Variants in TMEM268 observed in about 807,000 individuals in gnomAD.
The protein encoded by TMEM268 is transmembrane protein C9orf91.
Under a neutral mutation model 39.1 loss-of-function variants are expected in TMEM268, and 24 were observed. The ratio of observed to expected loss-of-function variants is 0.61; its 90% CI spans 0.44 to 0.86. TMEM268 has a LOEUF of 0.86. Ranked by LOEUF, TMEM268 falls within the 40% of genes least tolerant of loss-of-function variation. The pLI, the probability that TMEM268 is intolerant of heterozygous loss-of-function variation, is 0.00. For missense variants in TMEM268, 409 were observed against 428.6 expected (o/e 0.95, Z 0.40); for synonymous variants, 176 against 173.5 (o/e 1.01, Z -0.12).
intron 3 of TMEM268, 59 bp from the exon 4 acceptor site, chr9:114,626,840 A>G (rs1846181745): frequency 1.6e-6 from 2 of 1,282,160 alleles, no homozygotes; most frequent in South Asian, 2.4e-5. Flanking sequence ...TGATAGTCAC[A>G]TGCACTGGAA....
chr9:114,607,963 G>T (rs747566697), upstream of TMEM268, among the ~76,000 whole-genome samples: 7 of 152,170 alleles, frequency 4.6e-5, no homozygotes, highest in Non-Finnish European at 1.0e-4. Flanking sequence ...TACGTGTTGG[G>T]AGAGAGTGAG....
intron 6 of TMEM268, 66 bp from the exon 7 acceptor site, chr9:114,636,924 A>C: frequency 1.0e-6 from 1 of 1,001,920 alleles, no homozygotes; most frequent in Admixed American, 1.7e-5. Context: ...GGACTGTCTC[A>C]GGGAGGAAGA....
At chr9:114,635,782 T>A (rs1224417243) in intron 6 of TMEM268, among the ~76,000 whole-genome samples, 6 of 152,214 alleles carry the variant, frequency 3.9e-5, no homozygotes, top group Non-Finnish European at 8.8e-5. Flanking sequence ...TCCTTCAGAT[T>A]CACTGGGGGG....
chr9:114,625,388 T>C (rs1375097596), intron 3 of TMEM268, among the ~76,000 whole-genome samples: 1 of 151,802 alleles, frequency 6.6e-6, no homozygotes, highest in Non-Finnish European at 1.5e-5. Context: ...TAATTATGAA[T>C]AGGGTAGATA....
intron 5 of TMEM268, among the ~76,000 whole-genome samples, chr9:114,632,695 T>C (rs890459982): frequency 1.3e-5 from 2 of 152,204 alleles, no homozygotes; most frequent in African/African-American, 4.8e-5. Flanking sequence ...ACAGATTTGA[T>C]GTGTCAGCTC....
At chr9:114,627,732 G>A (rs1846223203) in intron 4 of TMEM268, among the ~76,000 whole-genome samples, 1 of 152,198 alleles carries the variant, frequency 6.6e-6, no homozygotes, top group African/African-American at 2.4e-5. Flanking sequence ...CCATTTTACA[G>A]ATGAGGAAAC....
chr9:114,634,143 G>C (rs1205117906), intron 6 of TMEM268, among the ~76,000 whole-genome samples: 3 of 152,110 alleles, frequency 2.0e-5, no homozygotes, highest in African/African-American at 7.2e-5. Context: ...TGCTCACCTG[G>C]CATTTATTCA....
rs1234991492 is a variant in TMEM268, at chr9:114,611,400, GGGCC to G, written c.-236_-233del. ...CTCCTCGGGGTTGGGCGACCGAGCG[GGGCC>G]GGCCGGGCGGGGGGCGGGCCCGTGA... On this transcript the variant is annotated 5_prime_UTR_variant, in exon 1 of 9. The change abolishes the stop of an existing upstream ORF in the 5' untranslated region. Coordinates refer to ENST00000288502, the MANE Select transcript of TMEM268 (RefSeq NM_153045.4). 6.6e-6 allele frequency: 1 copy of G among 151,790 alleles called. No individual in the cohort carries two copies. Among genetic ancestry groups the G allele is most frequent in the Non-Finnish European group, 1.5e-5 (1 of 67,784 alleles). 9.4% of individuals were successfully genotyped at this position (151,790 alleles called of 1,614,324 possible).
chr9:114,624,257 G>T (rs370844346), intron 2 of TMEM268, 93 bp from the exon 3 acceptor site: 1 of 1,524,504 alleles, frequency 6.6e-7, no homozygotes, highest in African/African-American at 1.4e-5. Flanking sequence ...AGGTTCTCAT[G>T]GCCAGAGGTG....
chr9:114,626,751 A>T, intron 3 of TMEM268, 148 bp from the exon 4 acceptor site: 1 of 566,484 alleles, frequency 1.8e-6, no homozygotes, highest in South Asian at 2.0e-5. Flanking sequence ...GAGCTGCACC[A>T]TGTGACTTCC....
chr9:114,627,979 T>G, intron 4 of TMEM268, 122 bp from the exon 5 acceptor site: 1 of 998,646 alleles, frequency 1.0e-6, no homozygotes, highest in Non-Finnish European at 1.5e-6. Flanking sequence ...CTCTTACTGG[T>G]GCTGTGAGCT....
the TMEM268 span, among the ~76,000 whole-genome samples, chr9:114,604,515 G>A: frequency 4.5e-4 from 68 of 150,190 alleles, no homozygotes; most frequent in Non-Finnish European, 8.7e-4. Context: ...GGGAGTTGGA[G>A]GTTGCAGTGA....
chr9:114,605,424 A>G, the TMEM268 span, among the ~76,000 whole-genome samples: 1 of 151,926 alleles, frequency 6.6e-6, no homozygotes, highest in Admixed American at 6.6e-5. Context: ...AGATTTGGCC[A>G]GTGGTTCAGG....
chr9:114,617,109 T>G lies in TMEM268; in HGVS notation c.-78-9T>G. 9 of 873,570 alleles carry G rather than the reference T, an allele frequency of 1.0e-5. No individual in the cohort carries two copies. Among genetic ancestry groups the G allele is most frequent in the Non-Finnish European group, 1.4e-5 (8 of 559,140 alleles). The allele number at this position is 873,570 out of a possible 1,614,324, so 54.1% of individuals were successfully genotyped here. A position where few individuals can be genotyped will look rare whatever the true frequency, so the allele number is the denominator to read the frequency against. Reference sequence around the variant, plus strand: ...GGCCTGAAGTTCTTTTTTGTGCTGTTTTCTGAAGGCATATGATGCTGAGCT... The same window carrying G: ...GGCCTGAAGTTCTTTTTTGTGCTGTGTTCTGAAGGCATATGATGCTGAGCT... On this transcript the variant is annotated splice_polypyrimidine_tract_variant and intron_variant, in intron 1 of 8. Transcript: ENST00000288502.
At position 114,638,537 on chromosome 9, in the gene TMEM268, T is replaced by G; in HGVS notation, c.667-7T>G. The stretch of plus-strand genomic sequence containing the variant: ...ACTCCTGAGCCCCTTCTCTGTTTCC[T>G]TTGCAGTCCTTGCTGAGAAGCAGAT... On this transcript the variant is annotated splice_polypyrimidine_tract_variant and splice_region_variant and intron_variant, in intron 7 of 8. Transcript: ENST00000288502. 3 of 1,550,442 alleles carry G rather than the reference T, an allele frequency of 1.9e-6. No individual in the cohort carries two copies. The highest frequency in any genetic ancestry group is 2.6e-6 in the Non-Finnish European group (3 of 1,147,994).
chr9:114,627,712 G>C (rs921644000), intron 4 of TMEM268, among the ~76,000 whole-genome samples: 2 of 152,136 alleles, frequency 1.3e-5, no homozygotes, highest in African/African-American at 2.4e-5. Flanking sequence ...TGAAATAGGT[G>C]TTATTATCCC....
chr9:114,612,318 A>G (rs1401285340), intron 1 of TMEM268, among the ~76,000 whole-genome samples: 2 of 152,128 alleles, frequency 1.3e-5, no homozygotes, highest in Non-Finnish European at 1.5e-5. Flanking sequence ...TGCAAGATGG[A>G]TATCTGGAAG....
chr9:114,624,110 T>G, intron 2 of TMEM268: 1 of 642,216 alleles, frequency 1.6e-6, no homozygotes, highest in Non-Finnish European at 2.3e-6. Context: ...AATTCTTCCT[T>G]ATATGGTCTC....
chr9:114,607,443 C>T (rs764042870), upstream of TMEM268, among the ~76,000 whole-genome samples: 20 of 152,058 alleles, frequency 1.3e-4, no homozygotes, highest in Non-Finnish European at 2.8e-4. Context: ...ATTGCTTGAG[C>T]TCAAGAGTTC....
Sources: allele counts gnomAD v4.1 joint callset (sites outside exome capture counted in the v4.1 genomes callset), GRCh38; gene constraint gnomAD v4.1.1; transcripts MANE v1.5; gene names NCBI Gene and HGNC (gene_info 2026-07-23, HGNC 2026-07-21).